Variants in ERMARD observed in about 807,000 individuals in gnomAD.
ERMARD encodes the protein ER membrane associated RNA degradation, also known as endoplasmic reticulum membrane-associated RNA degradation protein.
In ERMARD, 71 loss-of-function variants were observed where a neutral mutation model predicts 83.9. The ratio of observed to expected loss-of-function variants is 0.85; its 90% CI spans 0.70 to 1.03. The LOEUF (loss-of-function observed/expected upper bound fraction) is 1.03, where lower values mean the gene tolerates loss of function less well. Ranked by LOEUF, ERMARD falls within the 50% of genes least tolerant of loss-of-function variation. The probability of loss-of-function intolerance (pLI) is 0.00; values close to 1 mark genes in which losing one functional copy is unlikely to be tolerated. For missense variants in ERMARD, 838 were observed against 810.9 expected (o/e 1.03, Z -0.41); for synonymous variants, 284 against 298.6 (o/e 0.95, Z 0.50).
intron 2 of ERMARD, 58 bp downstream of exon 2, chr6:169,754,090 C>G: frequency 1.3e-6 from 2 of 1,495,204 alleles, no homozygotes; most frequent in Non-Finnish European, 1.8e-6. Context: ...AATGTCTTGA[C>G]CTGTAAAATT....
rs142294360 is a variant in ERMARD at position 169,761,458 on chromosome 6, C to T, written c.857+702C>T. ...TCTTGAGCTCCTGGGCTCAAGTGAT[C>T]GTCCTCCTGACTCAGCCTCCCGAAG... On this transcript the variant is annotated intron_variant, in intron 8 of 17. Coordinates refer to ENST00000366773, the MANE Select transcript of ERMARD (RefSeq NM_018341.3). Among the ~76,000 whole-genome samples, 492 of 152,280 alleles carry T rather than the reference C, an allele frequency of 3.2e-3. 10 individuals are homozygous for T. Among genetic ancestry groups the T allele is most frequent in the African/African-American group, 0.012 (480 of 41,574 alleles).
intron 15 of ERMARD, 188 bp from the exon 16 acceptor site, chr6:169,776,267 A>G: frequency 6.5e-7 from 1 of 1,547,370 alleles, no homozygotes; most frequent in Non-Finnish European, 8.7e-7. Flanking sequence ...TGTGAATGCC[A>G]CATTCTGTTT....
In ERMARD at chr6:169,751,682, C is replaced by T. The variant is rs373555798; in HGVS notation, c.6+19C>T. On this transcript the variant is annotated intron_variant, in intron 1 of 17. Coordinates refer to ENST00000366773, the MANE Select transcript of ERMARD (RefSeq NM_018341.3). ...TATGGAGGTAGGGCGGGTGTAGGGC[C>T]CGGTTCGATCCCGAGCTAGGCAGGG... 6.8e-5 allele frequency: 106 copies of T among 1,548,314 alleles called. No homozygotes were observed. Among genetic ancestry groups the T allele is most frequent in the Admixed American group, 2.0e-4 (10 of 49,856 alleles).
chr6:169,766,742 A>G, intron 10 of ERMARD, 75 bp downstream of exon 10: 2 of 1,415,602 alleles, frequency 1.4e-6, no homozygotes, highest in Non-Finnish European at 1.9e-6. Context: ...ATTAAAATGC[A>G]AAATTAAAGA....
intron 16 of ERMARD, among the ~76,000 whole-genome samples, chr6:169,777,479 C>T (rs1793731121): frequency 6.6e-6 from 1 of 152,192 alleles, no homozygotes; most frequent in Admixed American, 6.5e-5. Flanking sequence ...TTCCCTTTGG[C>T]TTAGTGAGTT....
At position 169,768,169 on chromosome 6, in the gene ERMARD, A is replaced by G. The variant is rs767087847; in HGVS notation, c.1057A>G (p.Met353Val). ...QLPLFLGEPA[M>V]EFLWDFLNHQ... is the part of the protein sequence containing the mutation. Reference sequence around the variant, plus strand: ...TCCTCTTTTCCTTGGAGAGCCTGCTATGGTAAGTATTAGGTATTTTCCAGG... The same window carrying G: ...TCCTCTTTTCCTTGGAGAGCCTGCTGTGGTAAGTATTAGGTATTTTCCAGG... The change falls in exon 11 of 18, where the codon ATG (methionine) becomes GTG (valine). Residue 353 changes from methionine (M) to valine (V), a missense_variant and splice_region_variant. Transcript: ENST00000366773. 1.2e-6 allele frequency: 2 copies of G among 1,613,586 alleles called. No individual in the cohort carries two copies. The highest frequency in any genetic ancestry group is 3.3e-5 in the Admixed American group (2 of 60,024).
intron 5 of ERMARD, 133 bp downstream of exon 5, chr6:169,756,941 AT>A: frequency 1.3e-6 from 1 of 771,960 alleles, no homozygotes; most frequent in Non-Finnish European, 2.1e-6. Flanking sequence ...AGGCCTCAGA[AT>A]CATGGCAGGA....
intron 13 of ERMARD, among the ~76,000 whole-genome samples, chr6:169,774,274 C>T (rs1262501217): frequency 2.0e-5 from 3 of 152,196 alleles, no homozygotes; most frequent in Non-Finnish European, 4.4e-5. Flanking sequence ...GGGTTGTCAA[C>T]AGTGAAGTTG....
chr6:169,756,696 C>A (rs1281097423), intron 4 of ERMARD, 23 bp from the exon 5 acceptor site: 4 of 1,595,674 alleles, frequency 2.5e-6, no homozygotes, highest in East Asian at 2.2e-5. Context: ...ACAACTGTTA[C>A]ACAATTTTTG....
rs1419842423 is a variant in ERMARD, at chr6:169,781,501, A to C, written c.2025A>C (p.Lys675Asn). 2.5e-6 allele frequency: 4 copies of C among 1,594,692 alleles called. No homozygotes were observed. Among genetic ancestry groups the C allele is most frequent in the Non-Finnish European group, 3.4e-6 (4 of 1,172,190 alleles). Residue 675 changes from lysine to asparagine, a missense_variant, in exon 18 of 18, where the codon AAA (lysine) becomes AAC (asparagine). Transcript: ENST00000366773. ...LIHLAKKSTS[K>N]VLL is the part of the protein sequence containing the mutation. ...ATTTAGCCAAGAAATCCACAAGTAAAGTACTCTTATGAAAACTTGTAAGTC... is the reference window on the plus strand; with the variant it reads ...ATTTAGCCAAGAAATCCACAAGTAACGTACTCTTATGAAAACTTGTAAGTC...
At chr6:169,761,176 T>C (rs180718418) in intron 8 of ERMARD, among the ~76,000 whole-genome samples, 67 of 152,320 alleles carry the variant, frequency 4.4e-4, no homozygotes, top group Admixed American at 1.8e-3. Context: ...ATTCATTCAT[T>C]TTTATGCCTT....
At chr6:169,761,564 A>G (rs952393608) in intron 8 of ERMARD, among the ~76,000 whole-genome samples, 1 of 152,170 alleles carries the variant, frequency 6.6e-6, no homozygotes, top group Non-Finnish European at 1.5e-5. Context: ...CAGTCCTTTG[A>G]TGACATTTTA....
intron 16 of ERMARD, among the ~76,000 whole-genome samples, chr6:169,778,980 C>G (rs571999521): frequency 5.9e-5 from 9 of 152,324 alleles, no homozygotes; most frequent in Non-Finnish European, 1.0e-4. Flanking sequence ...CAGGATGGGC[C>G]GGGAGCAAGG....
chr6:169,767,278 T>C (rs1562335331), intron 10 of ERMARD: 1 of 152,374 alleles, frequency 6.6e-6, no homozygotes, highest in East Asian at 1.9e-4. Flanking sequence ...GCCTGTTTAC[T>C]TGCAGAGCTT....
At chr6:169,779,068 T>A in intron 16 of ERMARD, 114 bp from the exon 17 acceptor site, 1 of 959,660 alleles carries the variant, frequency 1.0e-6, no homozygotes, top group South Asian at 1.5e-5. Flanking sequence ...AGGAAAATTA[T>A]TTTTTGAGAA....
intron 8 of ERMARD, 146 bp downstream of exon 8, chr6:169,760,902 T>A: frequency 3.9e-6 from 2 of 515,820 alleles, no homozygotes; most frequent in Non-Finnish European, 6.9e-6. Flanking sequence ...TAAAACACCT[T>A]CATAGAGTCG....
rs1270689528 is a variant in ERMARD at position 169,776,463 on chromosome 6, A to G, written c.1529A>G (p.Gln510Arg). 5 of 1,613,582 alleles carry G rather than the reference A, an allele frequency of 3.1e-6. No homozygotes were observed. The South Asian group carries it at 3.3e-5, about 11-fold the overall frequency. The change falls in exon 16 of 18, where the codon CAG becomes CGG. Residue 510 changes from glutamine (Q) to arginine (R), a missense_variant. Physicochemically the swap from Gln to Arg is conservative, Grantham distance 43. Transcript: ENST00000366773. Reference sequence around the variant, plus strand: ...TCTGGCTCTGTTTGCAGGTGGCCCCAGCTTCTCCGTGAGCTCTGCAGCACA... The same window carrying G: ...TCTGGCTCTGTTTGCAGGTGGCCCCGGCTTCTCCGTGAGCTCTGCAGCACA... ...LDRLPTETWPQLLRELCSTPV... is the reference protein window; with the variant it reads ...LDRLPTETWPRLLRELCSTPV...
intron 11 of ERMARD, 152 bp from the exon 12 acceptor site, chr6:169,769,388 G>A: frequency 3.2e-6 from 2 of 616,916 alleles, no homozygotes; most frequent in South Asian, 3.2e-5. Flanking sequence ...GGTCTGTCCT[G>A]TGGGTGTAGG....
At position 169,759,875 on chromosome 6, in the gene ERMARD, G is replaced by A. The variant is rs1419470133; in HGVS notation, c.643G>A (p.Gly215Ser). The change falls in exon 7 of 18, where the codon GGT (glycine) becomes AGT (serine). Residue 215 changes from glycine to serine, a missense_variant. Gly to Ser is a moderately conservative substitution (Grantham distance 56, BLOSUM62 0). Coordinates refer to ENST00000366773, the MANE Select transcript of ERMARD (RefSeq NM_018341.3). The stretch of plus-strand genomic sequence containing the variant: ...GATGATACTGTTGACGGCAGGATTG[G>A]GTCAGTTACTGAAGAGTTACCTTCA... The part of the protein sequence containing the change: ...SMMILLTAGL[G>S]QLLKSYLQNT... 11 of 1,614,120 alleles carry A rather than the reference G, an allele frequency of 6.8e-6. No homozygotes were observed. Among genetic ancestry groups the A allele is most frequent in the Non-Finnish European group, 9.3e-6 (11 of 1,180,020 alleles).
Sources: allele counts gnomAD v4.1 joint callset (sites outside exome capture counted in the v4.1 genomes callset), GRCh38; gene constraint gnomAD v4.1.1; transcripts MANE v1.5; gene names NCBI Gene and HGNC (gene_info 2026-07-23, HGNC 2026-07-21).